The following ENGASE variants were observed in gnomAD, a reference collection of about 807,000 sequenced individuals.
The protein encoded by ENGASE is cytosolic endo-beta-N-acetylglucosaminidase.
Under a neutral mutation model 78.5 loss-of-function variants are expected in ENGASE, and 69 were observed. The observed-to-expected ratio is 0.88, with a 90% CI of 0.72 to 1.07. ENGASE has a LOEUF of 1.07. ENGASE is among the 50% of genes least tolerant of loss of function. ENGASE has a pLI of 0.00. For synonymous variants in ENGASE, 408 were observed against 408.9 expected, an observed-to-expected ratio of 1.00 and a Z score of 0.03; for missense variants, 943 against 988.4, an observed-to-expected ratio of 0.95 and a Z score of 0.62.
At chr17:79,085,795 GAGGCCGCCCC>G (rs2073281075) in intron 13 of ENGASE, 61 bp downstream of exon 13, 4 of 1,602,978 alleles carry the variant, frequency 2.5e-6, no homozygotes, top group Non-Finnish European at 3.4e-6. Context: ...AGTGGGGGTG[GAGGCCGCCCC>G]AGGCCGCCCC....
Position 79,081,961 on chromosome 17 carries a change from G to A in ENGASE, c.936G>A (p.Glu312=), listed in dbSNP as rs774312624. Residue 312 remains glutamate (E), a synonymous_variant, in exon 7 of 14, where the codon GAG becomes GAA. Coordinates refer to ENST00000579016, the MANE Select transcript of ENGASE (RefSeq NM_001042573.3). ...ATAACTGGCGGGAGGAGCACTTGGA[G>A]CGGATGCTGGGGCAGGCTGGGGAGC... ...TNYNWREEHL[E]RMLGQAGERR... 3.0e-5 allele frequency: 49 copies of A among 1,614,094 alleles called. No homozygotes were observed. The East Asian group carries it at 1.1e-3, about 35-fold the overall frequency.
Position 79,086,697 on chromosome 17 carries a change from G to A in ENGASE, c.*348G>A. ...AAGGATATTTCCTAATAGGCTGCAA[G>A]ATGCTGATGCCGAGAATGATGATTT... On this transcript the variant is annotated 3_prime_UTR_variant, in exon 14 of 14. Transcript: ENST00000579016. The A allele has an allele frequency of 2.4e-6, 1 of 416,328 alleles. No homozygotes were observed. Among genetic ancestry groups the A allele is most frequent in the South Asian group, 2.1e-5 (1 of 47,566 alleles). 25.8% of individuals were successfully genotyped at this position (416,328 alleles called of 1,614,324 possible).
intron 4 of ENGASE, 134 bp from the exon 5 acceptor site, chr17:79,080,073 T>C: frequency 2.3e-6 from 2 of 879,832 alleles, no homozygotes; most frequent in African/African-American, 1.7e-5. Context: ...ATTCACGGGA[T>C]ATATGGGGAT....
rs761531574 is a variant in ENGASE at position 79,081,044 on chromosome 17, A to G, written c.843A>G (p.Lys281=). The change falls in exon 6 of 14, where the codon AAA becomes AAG. Residue 281 remains lysine (K), a synonymous_variant. Transcript: ENST00000579016. The part of the protein sequence containing the change: ...YDSVVQSGQL[K]WQDELNQHNR... ...GCGTGGTGCAAAGTGGGCAGCTCAA[A>G]TGGCAAGACGAACTCAACCAGCACA... The G allele has an allele frequency of 2.1e-6, 3 of 1,451,542 alleles. No individual in the cohort carries two copies. The highest frequency in any genetic ancestry group is 1.1e-5 in the South Asian group (1 of 89,074). The allele number at this position is 1,451,542 out of a possible 1,614,324, so 89.9% of individuals were successfully genotyped here.
chr17:79,085,683 G>A lies in ENGASE; in HGVS notation c.1764G>A (p.Pro588=), dbSNP rs1245724371. 3.7e-6 allele frequency: 6 copies of A among 1,613,848 alleles called. No homozygotes were observed. Among genetic ancestry groups the A allele is most frequent in the East Asian group, 4.5e-5 (2 of 44,878 alleles). ...LLDLLVCFSR[P]PGSREEESFT... is the part of the protein sequence containing the mutation. ...ACCTCCTCGTTTGCTTCTCACGGCC[G>A]CCGGGTAGTCGGGAGGAGGAGAGCT... Residue 588 remains proline, a synonymous_variant, in exon 13 of 14, where the codon CCG becomes CCA. Transcript: ENST00000579016.
Position 79,086,699 on chromosome 17 carries a change from T to C in ENGASE, c.*350T>C, listed in dbSNP as rs2073323229. On this transcript the variant is annotated 3_prime_UTR_variant, in exon 14 of 14. Coordinates refer to ENST00000579016, the MANE Select transcript of ENGASE (RefSeq NM_001042573.3). ...GGATATTTCCTAATAGGCTGCAAGATGCTGATGCCGAGAATGATGATTTTC... is the reference window on the plus strand; with the variant it reads ...GGATATTTCCTAATAGGCTGCAAGACGCTGATGCCGAGAATGATGATTTTC... 2.4e-6 allele frequency: 1 copy of C among 411,844 alleles called. No homozygotes were observed. 25.5% of individuals were successfully genotyped at this position (411,844 alleles called of 1,614,324 possible). A position where few individuals can be genotyped will look rare whatever the true frequency, so the allele number is the denominator to read the frequency against.
chr17:79,083,347 G>A lies in ENGASE; in HGVS notation c.1143-135G>A. ...TGTTTGCAGCGTATCTGTAGACGGG[G>A]AGGCTGCAGTCCTCCTGGAAGTCCT... On this transcript the variant is annotated intron_variant, in intron 8 of 13. Coordinates refer to ENST00000579016, the MANE Select transcript of ENGASE (RefSeq NM_001042573.3). The surrounding 1 kb of genome is among the most constrained non-coding windows in gnomAD (Gnocchi z 4.9). The A allele has an allele frequency of 2.8e-6, 2 of 725,900 alleles. No homozygotes were observed. The highest frequency in any genetic ancestry group is 2.4e-4 in the Middle Eastern group (1 of 4,132). 45.0% of individuals were successfully genotyped at this position (725,900 alleles called of 1,614,324 possible).
intron 1 of ENGASE, among the ~76,000 whole-genome samples, chr17:79,076,309 G>A (rs1479213173): frequency 6.6e-6 from 1 of 152,216 alleles, no homozygotes; most frequent in East Asian, 1.9e-4. Flanking sequence ...GCTTATGCCT[G>A]TAATCTCAGC....
At chr17:79,084,158 T>C in intron 10 of ENGASE, 1 of 573,114 alleles carries the variant, frequency 1.7e-6, no homozygotes, top group South Asian at 2.3e-5. Context: ...GTGTTAACTC[T>C]GCGTACGTTG....
intron 7 of ENGASE, 51 bp from the exon 8 acceptor site, chr17:79,082,969 C>G: frequency 6.3e-7 from 1 of 1,595,140 alleles, no homozygotes; most frequent in South Asian, 1.1e-5. Flanking sequence ...GTCCAGGAGC[C>G]TGTCTGGACT....
In ENGASE at chr17:79,083,777, C is replaced by T; in HGVS notation, c.1268C>T (p.Pro423Leu). 6.2e-7 allele frequency: 1 copy of T among 1,610,524 alleles called. No homozygotes were observed. The part of the protein sequence containing the change: ...VCYGQEEAVG[P>L]WYHLSAQEIQ... ...TTTCTTCAGGAAGAGGCGGTAGGGC[C>T]CTGGTACCACCTGAGCGCCCAGGAG... Residue 423 changes from proline (P) to leucine (L), a missense_variant, in exon 10 of 14, where the codon CCC (proline) becomes CTC (leucine). Physicochemically the swap from Pro to Leu is moderately conservative, Grantham distance 98 (BLOSUM62 -3). Transcript: ENST00000579016. The surrounding 1 kb of genome is among the most constrained non-coding windows in gnomAD (Gnocchi z 4.9).
In ENGASE at chr17:79,074,894, C is replaced by A; in HGVS notation, c.-51C>A. The A allele has an allele frequency of 8.0e-7, 1 of 1,244,554 alleles. No individual in the cohort carries two copies. The allele number at this position is 1,244,554 out of a possible 1,614,324, so 77.1% of individuals were successfully genotyped here. A position where few individuals can be genotyped will look rare whatever the true frequency, so the allele number is the denominator to read the frequency against. On this transcript the variant is annotated 5_prime_UTR_variant, in exon 1 of 14. Transcript: ENST00000579016. The stretch of plus-strand genomic sequence containing the variant: ...CACTTCCCATTGGCCGAGCGCGGCG[C>A]GGGGGCGGGCCCGGGCCTGCGATTG...
At chr17:79,077,108 T>C (rs1050806411) in intron 1 of ENGASE, among the ~76,000 whole-genome samples, 1 of 152,186 alleles carries the variant, frequency 6.6e-6, no homozygotes, top group African/African-American at 2.4e-5. Context: ...TGACCTCAGG[T>C]GATTCGCCTG....
At chr17:79,084,082 T>C in intron 10 of ENGASE, 131 bp downstream of exon 10, 1 of 790,884 alleles carries the variant, frequency 1.3e-6, no homozygotes, top group Middle Eastern at 3.6e-4. Context: ...TTTTTTAAAA[T>C]TGTGATCAAA....
intron 7 of ENGASE, chr17:79,082,290 G>C (rs769469499): frequency 9.5e-6 from 14 of 1,474,056 alleles, no homozygotes; most frequent in South Asian, 9.1e-5. Context: ...ATGTATTTTT[G>C]TGTGGGTGTT....
Position 79,083,992 on chromosome 17 carries a change from C to A in ENGASE, c.1442+41C>A. The A allele has an allele frequency of 6.4e-7, 1 of 1,563,024 alleles. No homozygotes were observed. Among genetic ancestry groups the A allele is most frequent in the East Asian group, 2.3e-5 (1 of 44,024 alleles). On this transcript the variant is annotated intron_variant, in intron 10 of 13. Coordinates refer to ENST00000579016, the MANE Select transcript of ENGASE (RefSeq NM_001042573.3). This position sits in a 1 kb window ranked among gnomAD's most constrained non-coding sequence, Gnocchi z 4.9. ...AGGACGGTGGGCCCACCAGCTTCTC[C>A]CATCACACGTGGTGGCCATGGAACT...
rs1222965454 is a variant in ENGASE at position 79,086,127 on chromosome 17, T to C, written c.2010T>C (p.Ser670=). Residue 670 remains serine (S), a synonymous_variant, in exon 14 of 14, where the codon AGT becomes AGC. Transcript: ENST00000579016. Reference sequence around the variant, plus strand: ...GAATCCACTGCTGGGGAGGGATGAGTGATGACTCTCCGGGCAGGGAGCTGC... The same window carrying C: ...GAATCCACTGCTGGGGAGGGATGAGCGATGACTCTCCGGGCAGGGAGCTGC... The part of the protein sequence containing the change: ...CFRIHCWGGM[S]DDSPGRELPR... 6 of 1,613,520 alleles carry C rather than the reference T, an allele frequency of 3.7e-6. No homozygotes were observed. In the East Asian group the frequency reaches 6.7e-5, roughly 18 times the overall value.
rs1322913175 is a variant in ENGASE at position 79,075,142 on chromosome 17, G to A, written c.146+52G>A. On this transcript the variant is annotated intron_variant, in intron 1 of 13. Coordinates refer to ENST00000579016, the MANE Select transcript of ENGASE (RefSeq NM_001042573.3). ...CCGATCCGCGGGGCTGAGAGTCCGT[G>A]GCCCCGGGGCCCGAGGTTTCCCGGC... 3.3e-6 allele frequency: 4 copies of A among 1,198,178 alleles called. No individual in the cohort carries two copies. The African/African-American group carries it at 4.8e-5, about 14-fold the overall frequency. 74.2% of individuals were successfully genotyped at this position (1,198,178 alleles called of 1,614,324 possible). A position where few individuals can be genotyped will look rare whatever the true frequency, so the allele number is the denominator to read the frequency against.
At chr17:79,077,928 AG>A in intron 3 of ENGASE, 64 bp downstream of exon 3, 1 of 508,168 alleles carries the variant, frequency 2.0e-6, no homozygotes, top group Non-Finnish European at 3.6e-6. Flanking sequence ...TGGGGGCTGG[AG>A]GGGCGGGAGA....
Sources: allele counts gnomAD v4.1 joint callset (sites outside exome capture counted in the v4.1 genomes callset), GRCh38; gene constraint gnomAD v4.1.1; non-coding constraint Gnocchi (gnomAD v3.1); transcripts MANE v1.5; gene names NCBI Gene and HGNC (gene_info 2026-07-23, HGNC 2026-07-21).